CLTCL1: variants seen among roughly 807,000 people sequenced by gnomAD.
The protein encoded by CLTCL1 is clathrin heavy chain 2.
Under a neutral mutation model 190.0 loss-of-function variants are expected in CLTCL1, and 159 were observed. That is an observed-to-expected ratio of 0.84 (90% CI 0.74 to 0.95). CLTCL1 has a LOEUF of 0.95. CLTCL1 is among the 40% of genes least tolerant of loss of function. The probability of loss-of-function intolerance (pLI) is 0.00; values close to 1 mark genes in which losing one functional copy is unlikely to be tolerated. For missense variants in CLTCL1, 1,878 were observed against 2,033.4 expected (o/e 0.92, Z 1.47); for synonymous variants, 752 against 769.6 (o/e 0.98, Z 0.38).
chr22:19,238,209 C>G (rs1244876735), intron 5 of CLTCL1, among the ~76,000 whole-genome samples: 1 of 152,138 alleles, frequency 6.6e-6, no homozygotes, highest in Admixed American at 6.5e-5. Context: ...CCTGCCTCAG[C>G]ATCCCATGTA....
rs782074357 is a variant in CLTCL1, at chr22:19,263,031, TA to T, written c.251-8805del. Among the ~76,000 whole-genome samples, 1,096 of 126,982 alleles carry T rather than the reference TA, an allele frequency of 8.6e-3. 3 individuals are homozygous for T. The highest frequency in any genetic ancestry group is 0.023 in the Middle Eastern group (6 of 260). The allele number at this position is 126,982 out of a possible 152,430, so 83.3% of individuals were successfully genotyped here. A position where few individuals can be genotyped will look rare whatever the true frequency, so the allele number is the denominator to read the frequency against. ...GGGTGACAGAGAGAGACTCCATCTTTAAAAAAAAAAAAAAAAAAGATTACAA... is the reference window on the plus strand; with the variant it reads ...GGGTGACAGAGAGAGACTCCATCTTTAAAAAAAAAAAAAAAAAGATTACAA... On this transcript the variant is annotated intron_variant, in intron 2 of 32. Coordinates refer to ENST00000427926, the MANE Select transcript of CLTCL1 (RefSeq NM_007098.4).
intron 23 of CLTCL1, among the ~76,000 whole-genome samples, chr22:19,200,155 G>T (rs929878238): frequency 6.6e-6 from 1 of 152,200 alleles, no homozygotes; most frequent in Admixed American, 6.5e-5. Flanking sequence ...GTTTGAAAAG[G>T]AAGGCTAAAA....
At chr22:19,266,161 G>A (rs1936956) in intron 2 of CLTCL1, among the ~76,000 whole-genome samples, 8,973 of 152,148 alleles carry the variant, frequency 0.059, 330 homozygotes, top group Middle Eastern at 0.16. Flanking sequence ...GGGATTACAG[G>A]TATGAGCCAC....
chr22:19,222,860 C>A, intron 14 of CLTCL1, 51 bp from the exon 15 acceptor site: 1 of 1,561,842 alleles, frequency 6.4e-7, no homozygotes, highest in Non-Finnish European at 8.7e-7. Flanking sequence ...AACCAGACAG[C>A]CAGACCTCGG....
chr22:19,253,979 G>A lies in CLTCL1; in HGVS notation c.499C>T (p.Leu167Phe), dbSNP rs368191958. ...CTTACCTGAGCCGAGATGCCTACGA[G>A]CAGCAGCCACTTCTGGTACTCATCA... Reference protein sequence around the residue: ...RTDEYQKWLLLVGISAQQNRV... With the variant: ...RTDEYQKWLLFVGISAQQNRV... The change falls in exon 3 of 33, where the codon CTC (leucine) becomes TTC (phenylalanine). Residue 167 changes from leucine (L) to phenylalanine (F), a missense_variant. By Grantham distance (22) the Leu-to-Phe change is conservative (BLOSUM62 0). Transcript: ENST00000427926. The A allele has an allele frequency of 7.4e-6, 12 of 1,612,766 alleles. No individual in the cohort carries two copies. The highest frequency in any genetic ancestry group is 1.0e-5 in the Non-Finnish European group (12 of 1,179,228).
chr22:19,255,820 G>C (rs1336478582), intron 2 of CLTCL1, among the ~76,000 whole-genome samples: 2 of 150,470 alleles, frequency 1.3e-5, no homozygotes, highest in African/African-American at 4.9e-5. Flanking sequence ...TGAGGCAGGA[G>C]AATTGCTTGA....
intron 1 of CLTCL1, among the ~76,000 whole-genome samples, chr22:19,277,206 C>T (rs550635646): frequency 3.9e-5 from 6 of 152,280 alleles, no homozygotes; most frequent in East Asian, 1.9e-4. Flanking sequence ...GAGTCTAGCA[C>T]ATACTGGATG....
intron 3 of CLTCL1, chr22:19,249,852 T>C: frequency 2.5e-6 from 1 of 404,956 alleles, no homozygotes; most frequent in Non-Finnish European, 4.9e-6. Context: ...AAAGCTGATT[T>C]TGAAACTTAA....
Position 19,216,106 on chromosome 22 carries a change from C to T in CLTCL1, c.3065+5G>A, listed in dbSNP as rs782233157. ...TGTCCACAGCTACCCCTGGCATAGC[C>T]TCACCTGTGCTCGCTGAAGACAGAG... On this transcript the variant is annotated splice_donor_5th_base_variant and intron_variant, in intron 19 of 32. Coordinates refer to ENST00000427926, the MANE Select transcript of CLTCL1 (RefSeq NM_007098.4). 6.2e-7 allele frequency: 1 copy of T among 1,613,326 alleles called. No homozygotes were observed. Among genetic ancestry groups the T allele is most frequent in the South Asian group, 1.1e-5 (1 of 90,974 alleles).
chr22:19,253,374 T>C (rs541973076), intron 3 of CLTCL1, among the ~76,000 whole-genome samples: 271 of 152,286 alleles, frequency 1.8e-3, no homozygotes, highest in Non-Finnish European at 2.8e-3. Context: ...CTGCGGCAGC[T>C]GTGCACATCG....
chr22:19,247,063 C>T (rs1053451061), intron 3 of CLTCL1, among the ~76,000 whole-genome samples: 1 of 152,144 alleles, frequency 6.6e-6, no homozygotes, highest in Non-Finnish European at 1.5e-5. Context: ...ATCTAAGAAT[C>T]CATGCCAAAT....
intron 4 of CLTCL1, among the ~76,000 whole-genome samples, chr22:19,240,010 G>A (rs913743907): frequency 1.0e-4 from 15 of 149,838 alleles, no homozygotes; most frequent in African/African-American, 1.5e-4. Context: ...GTGCAGTGGC[G>A]CGATCTCAGC....
At chr22:19,272,672 C>T (rs1369874972) in intron 2 of CLTCL1, among the ~76,000 whole-genome samples, 1 of 151,930 alleles carries the variant, frequency 6.6e-6, no homozygotes, top group Non-Finnish European at 1.5e-5. Context: ...GGTTACTCCA[C>T]GTTCGTCAGG....
intron 2 of CLTCL1, among the ~76,000 whole-genome samples, chr22:19,259,743 T>C (rs953571315): frequency 2.6e-5 from 4 of 152,160 alleles, no homozygotes; most frequent in Non-Finnish European, 5.9e-5. Flanking sequence ...CACAACAATA[T>C]TGAAATTAGG....
intron 24 of CLTCL1, 126 bp downstream of exon 24, chr22:19,199,608 G>C: frequency 4.8e-6 from 3 of 631,230 alleles, no homozygotes; most frequent in Non-Finnish European, 5.4e-6. Context: ...TTCCCCTCAG[G>C]GCCATGCTTC....
intron 3 of CLTCL1, among the ~76,000 whole-genome samples, chr22:19,250,943 T>C (rs1010152441): frequency 2.0e-5 from 3 of 152,152 alleles, no homozygotes; most frequent in Non-Finnish European, 4.4e-5. Context: ...TTTATGGTTG[T>C]TTTGGCTATT....
intron 17 of CLTCL1, among the ~76,000 whole-genome samples, chr22:19,220,493 A>C (rs536716008): frequency 9.2e-5 from 14 of 152,254 alleles, no homozygotes; most frequent in Non-Finnish European, 2.1e-4. Context: ...TTCAAGATCT[A>C]AAAACTGTAA....
rs1176736589 is a variant in CLTCL1, at chr22:19,244,623, C to A, written c.520-1687G>T. ...TAAAGGTACAGATACCTAAACGAAGCCTAAACTGCAGCCAAGACGAAGAGG... is the reference window on the plus strand; with the variant it reads ...TAAAGGTACAGATACCTAAACGAAGACTAAACTGCAGCCAAGACGAAGAGG... On this transcript the variant is annotated intron_variant, in intron 3 of 32. Transcript: ENST00000427926. Among the ~76,000 whole-genome samples, 3 of 152,140 alleles carry A rather than the reference C, an allele frequency of 2.0e-5. No individual in the cohort carries two copies. The East Asian group carries it at 5.8e-4, about 29-fold the overall frequency.
intron 13 of CLTCL1, 63 bp from the exon 14 acceptor site, chr22:19,224,117 T>C: frequency 6.4e-7 from 1 of 1,567,870 alleles, no homozygotes; most frequent in Non-Finnish European, 8.7e-7. Context: ...CCGTAGCTGC[T>C]GCCCACCTTC....
Sources: gnomAD v4.1 joint callset for allele counts (sites outside exome capture counted in the v4.1 genomes callset) on GRCh38, gnomAD v4.1.1 for gene constraint, MANE v1.5 for transcripts, NCBI Gene and HGNC (gene_info 2026-07-23, HGNC 2026-07-21) for gene names.